FAP: variants seen among roughly 807,000 people sequenced by gnomAD.
FAP encodes the protein prolyl endopeptidase FAP.
Under a neutral mutation model 126.5 loss-of-function variants are expected in FAP, and 110 were observed. The ratio of observed to expected loss-of-function variants is 0.87; its 90% CI spans 0.74 to 1.02. FAP has a LOEUF of 1.02. FAP is among the 50% of genes least tolerant of loss of function. FAP has a pLI of 0.00. For missense variants in FAP, 919 were observed against 909.2 expected (o/e 1.01, Z -0.14); for synonymous variants, 334 against 297.3 (o/e 1.12, Z -1.27).
intron 9 of FAP, among the ~76,000 whole-genome samples, chr2:162,216,264 T>C (rs1689157368): frequency 6.6e-6 from 1 of 152,190 alleles, no homozygotes; most frequent in Admixed American, 6.5e-5. Context: ...GAAAATCATT[T>C]TGGATATGAA....
rs752301259 is a variant in FAP, at chr2:162,218,056, A to G, written c.692T>C (p.Ile231Thr). 3.7e-6 allele frequency: 6 copies of G among 1,607,444 alleles called. No homozygotes were observed. The highest frequency in any genetic ancestry group is 4.5e-5 in the East Asian group (2 of 44,578). The change falls in exon 9 of 26, where the codon ATA becomes ACA. Residue 231 changes from isoleucine (I) to threonine (T), a missense_variant. By Grantham distance (89) the Ile-to-Thr change is moderately conservative (BLOSUM62 -1). Transcript: ENST00000188790. ...LAYAEFNDTD[I>T]PVIAYSYYGD... The stretch of plus-strand genomic sequence containing the variant: ...ATAATAGGAATAGGCAATAACTGGT[A>G]TATCCGTATCATTAAATTCCGCATA...
At chr2:162,218,549 AAC>A (rs1435172391) in intron 8 of FAP, among the ~76,000 whole-genome samples, 1 of 149,356 alleles carries the variant, frequency 6.7e-6, no homozygotes, top group Non-Finnish European at 1.5e-5. Flanking sequence ...AAAAACCAAA[AAC>A]ACAGTTAGTT....
rs1687439618 is a variant in FAP, at chr2:162,175,132, T to TG, written c.1870-167dup. The TG allele has an allele frequency of 1.7e-5, 9 of 543,336 alleles. No homozygotes were observed. The Admixed American group carries it at 2.9e-4, about 18-fold the overall frequency. The allele number at this position is 543,336 out of a possible 1,614,324, so 33.7% of individuals were successfully genotyped here. On this transcript the variant is annotated intron_variant, in intron 21 of 25. Coordinates refer to ENST00000188790, the MANE Select transcript of FAP (RefSeq NM_004460.5). ...TCCTCGGCAGCAAGCTTCAGATAAA[T>TG]GACCAGACATAATGGTAATTTCTTC...
Position 162,202,859 on chromosome 2 carries a change from G to A in FAP, c.1223+13C>T, listed in dbSNP as rs1434211766. ...AAACCTGAATGGTGCATCGTGCTTC[G>A]TGCAATACTTACAGTGAATCCTGTG... On this transcript the variant is annotated intron_variant, in intron 14 of 25. Coordinates refer to ENST00000188790, the MANE Select transcript of FAP (RefSeq NM_004460.5). 1.6e-5 allele frequency: 25 copies of A among 1,606,072 alleles called. No individual in the cohort carries two copies. Among genetic ancestry groups the A allele is most frequent in the East Asian group, 2.2e-5 (1 of 44,820 alleles).
At chr2:162,179,782 CTATCTATCTATATA>C (rs1271684266) in intron 21 of FAP, among the ~76,000 whole-genome samples, 2 of 68,230 alleles carry the variant, frequency 2.9e-5, no homozygotes, top group African/African-American at 4.6e-5. Context: ...ATCTATCTAT[CTATCTATCTATATA>C]TATATATATA....
intron 2 of FAP, among the ~76,000 whole-genome samples, chr2:162,231,546 T>C (rs542430330): frequency 2.0e-5 from 3 of 152,326 alleles, no homozygotes; most frequent in African/African-American, 7.2e-5. Context: ...CCATCTTTAG[T>C]ATAGTTACTC....
At position 162,240,292 on chromosome 2, in the gene FAP, G is replaced by A. The variant is rs113338455; in HGVS notation, c.91+2616C>T. On this transcript the variant is annotated intron_variant, in intron 2 of 25. Transcript: ENST00000188790. ...TTAATATTTTGTAAGTGAGCTAAAT[G>A]GATTTTCTCATTTCACTACTACATT... Among the ~76,000 whole-genome samples the A allele has an allele frequency of 1.6e-3, 246 of 152,308 alleles. 1 individual carries two copies. Among genetic ancestry groups the A allele is most frequent in the African/African-American group, 5.5e-3 (228 of 41,584 alleles).
At chr2:162,215,149 C>T (rs139628464) in intron 10 of FAP, among the ~76,000 whole-genome samples, 1 of 152,296 alleles carries the variant, frequency 6.6e-6, no homozygotes, top group East Asian at 1.9e-4. Flanking sequence ...CAGCAAGGCC[C>T]AGTAGAAGCC....
intron 16 of FAP, among the ~76,000 whole-genome samples, chr2:162,197,348 G>T (rs766836233): frequency 6.6e-6 from 1 of 152,164 alleles, no homozygotes; most frequent in African/African-American, 2.4e-5. Context: ...AGTATAGTTA[G>T]CTCAATGATA....
At chr2:162,189,963 C>G (rs979109508) in intron 17 of FAP, among the ~76,000 whole-genome samples, 1 of 151,948 alleles carries the variant, frequency 6.6e-6, no homozygotes, top group African/African-American at 2.4e-5. Context: ...ATCACTGTGT[C>G]TTTAACTAAT....
chr2:162,178,497 C>T (rs532975686), intron 21 of FAP, among the ~76,000 whole-genome samples: 108 of 152,250 alleles, frequency 7.1e-4, no homozygotes, highest in African/African-American at 2.5e-3. Context: ...ATTAAAAATG[C>T]CTCCAGACGT....
chr2:162,172,980 G>T, intron 24 of FAP, 96 bp from the exon 25 acceptor site: 1 of 1,141,394 alleles, frequency 8.8e-7, no homozygotes, highest in Non-Finnish European at 1.3e-6. Flanking sequence ...CAATTATCTA[G>T]TCATGCATTT....
At chr2:162,228,466 T>C (rs1012154011) in intron 2 of FAP, among the ~76,000 whole-genome samples, 3 of 152,196 alleles carry the variant, frequency 2.0e-5, no homozygotes, top group African/African-American at 7.2e-5. Context: ...CTGATTTACA[T>C]TGATGCATGT....
intron 21 of FAP, among the ~76,000 whole-genome samples, chr2:162,180,812 A>T (rs2106219034): frequency 6.6e-6 from 1 of 152,278 alleles, no homozygotes; most frequent in Middle Eastern, 3.4e-3. Context: ...GACATGTGGG[A>T]GAGATGATCA....
chr2:162,240,813 C>T (rs1171357123), intron 2 of FAP, among the ~76,000 whole-genome samples: 1 of 152,198 alleles, frequency 6.6e-6, no homozygotes, highest in Non-Finnish European at 1.5e-5. Flanking sequence ...ACCCCTTCCT[C>T]CTTCCCTTTC....
chr2:162,192,490 G>C (rs572109857), intron 17 of FAP, among the ~76,000 whole-genome samples: 156 of 151,906 alleles, frequency 1.0e-3, no homozygotes, highest in Non-Finnish European at 2.0e-3. Flanking sequence ...CTCAAGTGTT[G>C]ATGTTCCACA....
At position 162,171,013 on chromosome 2, in the gene FAP, T is replaced by G; in HGVS notation, c.2249A>C (p.His750Pro). 4 of 1,613,286 alleles carry G rather than the reference T, an allele frequency of 2.5e-6. No homozygotes were observed. Among genetic ancestry groups the G allele is most frequent in the Non-Finnish European group, 3.4e-6 (4 of 1,179,390 alleles). ...STNHLYTHMT[H>P]FLKQCFSLSD ...CAAAGAGAAACACTGCTTTAGGAAGTGGGTCATGTGGGTGTATAAGTGGTT... is the reference window on the plus strand; with the variant it reads ...CAAAGAGAAACACTGCTTTAGGAAGGGGGTCATGTGGGTGTATAAGTGGTT... Residue 750 changes from histidine to proline, a missense_variant, in exon 26 of 26, where the codon CAC (histidine) becomes CCC (proline). Transcript: ENST00000188790.
chr2:162,201,431 T>C (rs1688495345), intron 14 of FAP, among the ~76,000 whole-genome samples: 2 of 152,206 alleles, frequency 1.3e-5, no homozygotes, highest in South Asian at 4.1e-4. Flanking sequence ...AACACCTTTC[T>C]ATGCATCTTT....
At position 162,219,002 on chromosome 2, in the gene FAP, T is replaced by C. The variant is rs1164299737; in HGVS notation, c.607+61A>G. On this transcript the variant is annotated intron_variant, in intron 8 of 25. Coordinates refer to ENST00000188790, the MANE Select transcript of FAP (RefSeq NM_004460.5). Reference sequence around the variant, plus strand: ...CTACTCATCTAAATCTTACTAAATATATGAAATTATTTTAAATTAAAAGCC... The same window carrying C: ...CTACTCATCTAAATCTTACTAAATACATGAAATTATTTTAAATTAAAAGCC... 3.0e-6 allele frequency: 4 copies of C among 1,336,796 alleles called. No individual in the cohort carries two copies. The Admixed American group carries it at 9.6e-5, about 32-fold the overall frequency. The allele number at this position is 1,336,796 out of a possible 1,614,324, so 82.8% of individuals were successfully genotyped here.
Sources: allele counts gnomAD v4.1 joint callset (sites outside exome capture counted in the v4.1 genomes callset), GRCh38; gene constraint gnomAD v4.1.1; transcripts MANE v1.5; gene names NCBI Gene and HGNC (gene_info 2026-07-23, HGNC 2026-07-21).